Variants in SAMMSON observed in about 807,000 individuals in gnomAD.
SAMMSON encodes survival associated mitochondrial melanoma specific oncogenic non-coding RNA, also known as long intergenic non-protein coding RNA 1212.
chr3:70,033,575 T>C (rs540875258), intron 3 of SAMMSON, among the ~76,000 whole-genome samples: 1 of 152,290 alleles, frequency 6.6e-6, no homozygotes, highest in South Asian at 2.1e-4. Flanking sequence ...AACTTGGGAC[T>C]ATCTTGCAAG....
chr3:70,376,939 T>C (rs1302970281), intron 9 of SAMMSON, among the ~76,000 whole-genome samples: 1 of 152,140 alleles, frequency 6.6e-6, no homozygotes, highest in Non-Finnish European at 1.5e-5. Flanking sequence ...CTCACAAATA[T>C]CATTCTAATA....
chr3:70,371,733 G>A (rs144620463), intron 9 of SAMMSON, among the ~76,000 whole-genome samples: 291 of 151,938 alleles, frequency 1.9e-3, no homozygotes, highest in African/African-American at 5.7e-3. Context: ...GAGTTTCTTC[G>A]TGGAGTCTTT....
chr3:70,080,269 C>T (rs1291523788), intron 4 of SAMMSON, among the ~76,000 whole-genome samples: 2 of 152,158 alleles, frequency 1.3e-5, no homozygotes, highest in Non-Finnish European at 2.9e-5. Context: ...TTAGCTGTTT[C>T]CCTCTTCTTA....
At position 70,287,649 on chromosome 3, in the gene SAMMSON, G is replaced by A. The variant is rs934556637; in HGVS notation, n.675-3530G>A. Among the ~76,000 whole-genome samples, 130 of 151,830 alleles carry A rather than the reference G, an allele frequency of 8.6e-4. 2 individuals carry two copies. Among genetic ancestry groups the A allele is most frequent in the African/African-American group, 3.1e-3 (128 of 41,186 alleles). ...GAAGGAATGGTACCAGTTCCTCCTT[G>A]TACCTCTGGTAGAATTTGGCTGTGA... On this transcript the variant is annotated intron_variant and non_coding_transcript_variant, in intron 6 of 9. Coordinates refer to ENST00000642114, the Ensembl canonical transcript of SAMMSON.
At chr3:70,263,255 T>C (rs1053060920) in intron 6 of SAMMSON, among the ~76,000 whole-genome samples, 1 of 152,188 alleles carries the variant, frequency 6.6e-6, no homozygotes, top group Non-Finnish European at 1.5e-5. Flanking sequence ...ATGCTGGGTA[T>C]TATAAATTTT....
intron 4 of SAMMSON, among the ~76,000 whole-genome samples, chr3:70,156,636 G>C (rs746529558): frequency 6.6e-6 from 1 of 152,014 alleles, no homozygotes; most frequent in Non-Finnish European, 1.5e-5. Flanking sequence ...TTTAGAAATC[G>C]TTTGAAGAAT....
chr3:70,136,846 G>GTTTTC (rs397815985), intron 4 of SAMMSON, among the ~76,000 whole-genome samples: 2 of 151,758 alleles, frequency 1.3e-5, no homozygotes, highest in African/African-American at 4.8e-5. Flanking sequence ...TTGAAGTTTT[G>GTTTTC]ATCTAAGTTT....
rs114041462 is a variant in SAMMSON, at chr3:70,043,277, C to T, written n.418-28199C>T. Among the ~76,000 whole-genome samples, 933 of 152,200 alleles carry T rather than the reference C, an allele frequency of 6.1e-3. 8 individuals are homozygous for T. The highest frequency in any genetic ancestry group is 0.02 in the African/African-American group (828 of 41,560). ...CAAATTGTTTTATCACTGCATCTCA[C>T]GCATCCGTCTTTAATTTAATCTTCA... On this transcript the variant is annotated intron_variant and non_coding_transcript_variant, in intron 3 of 9. Transcript: ENST00000642114.
chr3:70,321,309 A>G (rs1004973477), intron 7 of SAMMSON, among the ~76,000 whole-genome samples: 1 of 152,040 alleles, frequency 6.6e-6, no homozygotes, highest in Non-Finnish European at 1.5e-5. Context: ...TATGAATTCA[A>G]TTGCATTTTC....
At chr3:70,003,717 AT>A (rs869147317) in intron 1 of SAMMSON, among the ~76,000 whole-genome samples, 1 of 97,826 alleles carries the variant, frequency 1.0e-5, no homozygotes, top group Non-Finnish European at 1.9e-5. Flanking sequence ...TATTTACCAT[AT>A]TTTTTTTGCT....
At chr3:70,271,109 T>C (rs1481445145) in intron 6 of SAMMSON, among the ~76,000 whole-genome samples, 2 of 152,200 alleles carry the variant, frequency 1.3e-5, no homozygotes, top group South Asian at 2.1e-4. Flanking sequence ...TGGGAAGTTG[T>C]ATATACTAAA....
In SAMMSON at chr3:70,057,909, A is replaced by C. The variant is rs115649121; in HGVS notation, n.418-13567A>C. On this transcript the variant is annotated intron_variant and non_coding_transcript_variant, in intron 3 of 9. Transcript: ENST00000642114. ...GAGTGGAAAATCCTGTTCCAGGTCA[A>C]ACAAAATCCAGGTCCTCAGAGCCAA... 7.3e-3 allele frequency among the ~76,000 whole-genome samples: 1,111 copies of C among 152,158 alleles called. 19 individuals are homozygous for C. Among genetic ancestry groups the C allele is most frequent in the African/African-American group, 0.026 (1,060 of 41,540 alleles).
At chr3:70,195,627 CA>C (rs1201865026) in intron 4 of SAMMSON, among the ~76,000 whole-genome samples, 1 of 152,080 alleles carries the variant, frequency 6.6e-6, no homozygotes, top group Admixed American at 6.5e-5. Flanking sequence ...AAATTACACA[CA>C]AAAAAATTCC....
intron 4 of SAMMSON, among the ~76,000 whole-genome samples, chr3:70,103,671 C>T (rs1475450554): frequency 2.0e-5 from 3 of 152,132 alleles, no homozygotes; most frequent in Non-Finnish European, 2.9e-5. Context: ...ATTTAGACAG[C>T]TCTGAAGGTA....
intron 4 of SAMMSON, among the ~76,000 whole-genome samples, chr3:70,209,655 C>G (rs947510653): frequency 6.6e-6 from 1 of 152,092 alleles, no homozygotes. Flanking sequence ...ATTCCAAAAG[C>G]TTTGTGCTTG....
rs1347519108 is a variant in SAMMSON at position 70,287,812 on chromosome 3, T to C, written n.675-3367T>C. Among the ~76,000 whole-genome samples, 419 of 151,082 alleles carry C rather than the reference T, an allele frequency of 2.8e-3. 2 individuals carry two copies. The highest frequency in any genetic ancestry group is 9.2e-3 in the African/African-American group (383 of 41,416). On this transcript the variant is annotated intron_variant and non_coding_transcript_variant, in intron 6 of 9. Coordinates refer to ENST00000642114, the Ensembl canonical transcript of SAMMSON. ...GAGAGTGTATGTGTCGAGGAATTTA[T>C]CCATTTCTTCTAGATTTTCTAGTTT...
chr3:70,132,224 G>A (rs2067485577), intron 4 of SAMMSON, among the ~76,000 whole-genome samples: 1 of 152,124 alleles, frequency 6.6e-6, no homozygotes, highest in Non-Finnish European at 1.5e-5. Context: ...CTTCAATACA[G>A]CAGCCAACCA....
At chr3:70,344,764 A>G (rs1340312662) in intron 7 of SAMMSON, among the ~76,000 whole-genome samples, 1 of 152,166 alleles carries the variant, frequency 6.6e-6, no homozygotes, top group East Asian at 1.9e-4. Context: ...TGAACGGCTG[A>G]ACAGAGGAGC....
At chr3:70,194,050 G>A (rs1309313119) in intron 4 of SAMMSON, among the ~76,000 whole-genome samples, 1 of 152,176 alleles carries the variant, frequency 6.6e-6, no homozygotes. Flanking sequence ...TCATTAGCAA[G>A]TCAAACGTAA....
Sources: gnomAD v4.1 joint callset for allele counts (sites outside exome capture counted in the v4.1 genomes callset) on GRCh38, gnomAD v4.1.1 for gene constraint, MANE v1.5 for transcripts, NCBI Gene and HGNC (gene_info 2026-07-23, HGNC 2026-07-21) for gene names.